Variants in HERC1 observed in about 807,000 individuals in gnomAD.
HERC1 encodes HECT and RLD domain containing E3 ubiquitin protein ligase family member 1.
HERC1 carries 160 observed loss-of-function variants against 554.3 expected under a neutral mutation model. That is an observed-to-expected ratio of 0.29 (90% CI 0.25 to 0.33). The LOEUF (loss-of-function observed/expected upper bound fraction) is 0.33, where lower values mean the gene tolerates loss of function less well. HERC1 is among the 10% of genes least tolerant of loss of function. The pLI is 1.00. For missense variants in HERC1, 4,919 were observed against 5,918.5 expected, an observed-to-expected ratio of 0.83 and a Z score of 5.54; for synonymous variants, 2,175 against 2,131.7, an observed-to-expected ratio of 1.02 and a Z score of -0.56.
At chr15:63,755,544 C>T (rs1482228506) in intron 5 of HERC1, among the ~76,000 whole-genome samples, 5 of 152,136 alleles carry the variant, frequency 3.3e-5, no homozygotes. Flanking sequence ...TTTGGCAGGC[C>T]AAGGCAGGCA....
At chr15:63,655,663 T>C in intron 50 of HERC1, 79 bp downstream of exon 50, 5 of 1,000,002 alleles carry the variant, frequency 5.0e-6, no homozygotes, top group Non-Finnish European at 7.3e-6. Context: ...TAATTTATCA[T>C]ATACTAACAA....
chr15:63,638,523 C>T lies in HERC1; in HGVS notation c.11981G>A (p.Gly3994Glu). Residue 3994 changes from glycine (G) to glutamate (E), a missense_variant, in exon 63 of 78, where the codon GGA becomes GAA. Physicochemically the swap from Gly to Glu is moderately conservative, Grantham distance 98 (BLOSUM62 -2). This residue lies in a region of HERC1 where 122 missense variants were observed against 195.2 expected (regional missense o/e 0.63). Transcript: ENST00000443617. ...CCATAAGTAGACATCACATTTACCT[C>T]CCAGGTGCCAGTCCTAGAAAACCAC... ...ATSRPEDWHL[G>E]GKCDVYLWGA... 6 of 1,613,848 alleles carry T rather than the reference C, an allele frequency of 3.7e-6. No homozygotes were observed. In the South Asian group the frequency reaches 6.6e-5, roughly 18 times the overall value.
chr15:63,718,124 A>ACACACAT lies in HERC1; in HGVS notation c.3978+449_3978+450insATGTGTG, dbSNP rs61154847. ...CACACACACACACACACACACACAC[A>ACACACAT]ACCCCCTCCTTGGTTTTCACTTCTC... is the stretch of plus-strand genomic sequence containing the variant. On this transcript the variant is annotated intron_variant, in intron 21 of 77. Transcript: ENST00000443617. The surrounding 1 kb of genome is among the most constrained non-coding windows in gnomAD (Gnocchi z 4.2). Among the ~76,000 whole-genome samples, 1 of 148,180 alleles carries ACACACAT rather than the reference A, an allele frequency of 6.7e-6. No homozygotes were observed. The highest frequency in any genetic ancestry group is 2.2e-4 in the South Asian group (1 of 4,648).
In HERC1 at chr15:63,686,342, T is replaced by A. The variant is rs1595973151; in HGVS notation, c.6225+17A>T. On this transcript the variant is annotated intron_variant, in intron 34 of 77. Coordinates refer to ENST00000443617, the MANE Select transcript of HERC1 (RefSeq NM_003922.4). ...CTAAAAGACAAAATGCTAAAAACTATTAGATTTTCTACGTACCTTCCACTG... is the reference window on the plus strand; with the variant it reads ...CTAAAAGACAAAATGCTAAAAACTAATAGATTTTCTACGTACCTTCCACTG... 6.4e-7 allele frequency: 1 copy of A among 1,559,854 alleles called. No individual in the cohort carries two copies. Among genetic ancestry groups the A allele is most frequent in the Non-Finnish European group, 8.7e-7 (1 of 1,155,610 alleles).
At chr15:63,739,476 C>T (rs971489698) in intron 12 of HERC1, among the ~76,000 whole-genome samples, 6 of 151,106 alleles carry the variant, frequency 4.0e-5, no homozygotes, top group African/African-American at 7.3e-5. Context: ...GGATTATAGG[C>T]GTGAGCCACT....
intron 1 of HERC1, among the ~76,000 whole-genome samples, chr15:63,817,677 T>C (rs2077539026): frequency 6.6e-6 from 1 of 152,122 alleles, no homozygotes; most frequent in Non-Finnish European, 1.5e-5. Flanking sequence ...TTCGCGCCAC[T>C]ACACTCCAGT....
chr15:63,712,650 T>TA, intron 24 of HERC1, 125 bp downstream of exon 24: 1 of 710,678 alleles, frequency 1.4e-6, no homozygotes, highest in East Asian at 2.8e-5. Flanking sequence ...TTATTTCTCT[T>TA]AAAGTTATTT....
At chr15:63,647,800 G>C (rs2069435864) in intron 55 of HERC1, among the ~76,000 whole-genome samples, 1 of 151,984 alleles carries the variant, frequency 6.6e-6, no homozygotes, top group Non-Finnish European at 1.5e-5. Flanking sequence ...TTATTAAAAA[G>C]ACAAAAAACA....
chr15:63,797,233 T>C (rs2076839501), intron 1 of HERC1, among the ~76,000 whole-genome samples: 1 of 152,312 alleles, frequency 6.6e-6, no homozygotes, highest in African/African-American at 2.4e-5. Context: ...TGCTAAGGTG[T>C]AGGCATAGTT....
intron 50 of HERC1, 25 bp downstream of exon 50, chr15:63,655,717 T>C: frequency 1.4e-6 from 2 of 1,432,014 alleles, no homozygotes; most frequent in Non-Finnish European, 1.9e-6. Flanking sequence ...TAGAAGACTG[T>C]ATGTTTCAGT....
chr15:63,682,462 G>C (rs1366455646), intron 34 of HERC1, among the ~76,000 whole-genome samples: 1 of 152,132 alleles, frequency 6.6e-6, no homozygotes, highest in Non-Finnish European at 1.5e-5. Flanking sequence ...GGAGGGGAAA[G>C]GGTTCAAAAA....
intron 21 of HERC1, among the ~76,000 whole-genome samples, chr15:63,717,273 T>G (rs2073598603): frequency 6.6e-6 from 1 of 152,184 alleles, no homozygotes; most frequent in African/African-American, 2.4e-5. Flanking sequence ...GGCAAATTAA[T>G]ACATTTCATG....
At chr15:63,640,525 C>G in intron 60 of HERC1, 80 bp from the exon 61 acceptor site, 1 of 1,165,436 alleles carries the variant, frequency 8.6e-7, no homozygotes, top group African/African-American at 1.5e-5. Context: ...GTCTGAAAGT[C>G]TGGAATCATA....
rs114037445 is a variant in HERC1 at position 63,782,290 on chromosome 15, C to T, written c.-26-6641G>A. Among the ~76,000 whole-genome samples, 314 of 152,290 alleles carry T rather than the reference C, an allele frequency of 2.1e-3. 3 individuals are homozygous for T. The highest frequency in any genetic ancestry group is 6.6e-3 in the African/African-American group (274 of 41,560). On this transcript the variant is annotated intron_variant, in intron 1 of 77. Coordinates refer to ENST00000443617, the MANE Select transcript of HERC1 (RefSeq NM_003922.4). The stretch of plus-strand genomic sequence containing the variant: ...GGTTGAGTCTCTTGCTAAGGGCTAA[C>T]GAAGCTGGTGGACTTAAAGTTGAAG...
At chr15:63,795,087 A>AAG (rs60841389) in intron 1 of HERC1, among the ~76,000 whole-genome samples, 34 of 150,546 alleles carry the variant, frequency 2.3e-4, no homozygotes, top group Non-Finnish European at 4.1e-4. Context: ...AAAAAAAAAA[A>AAG]GTAAAGGAAT....
At chr15:63,665,393 C>A (rs529789259) in intron 42 of HERC1, among the ~76,000 whole-genome samples, 4 of 152,094 alleles carry the variant, frequency 2.6e-5, no homozygotes, top group Non-Finnish European at 5.9e-5. Flanking sequence ...ATGAGCCGGG[C>A]ATGGTGGCAC....
At chr15:63,646,489 A>G (rs2069345314) in intron 55 of HERC1, among the ~76,000 whole-genome samples, 1 of 151,412 alleles carries the variant, frequency 6.6e-6, no homozygotes, top group Non-Finnish European at 1.5e-5. Context: ...ATCAAGCAAT[A>G]GTAGAGGCTA....
At chr15:63,646,865 T>A (rs994991707) in intron 55 of HERC1, among the ~76,000 whole-genome samples, 4 of 151,682 alleles carry the variant, frequency 2.6e-5, no homozygotes, top group Non-Finnish European at 5.9e-5. Context: ...AAAAAGCAAC[T>A]ATCTGGTAAA....
intron 75 of HERC1, among the ~76,000 whole-genome samples, chr15:63,616,206 A>G (rs933444272): frequency 1.3e-5 from 2 of 149,938 alleles, no homozygotes; most frequent in Non-Finnish European, 3.0e-5. Flanking sequence ...TCTAACAGGC[A>G]GAAAAAAATT....
Sources: allele counts gnomAD v4.1 joint callset (sites outside exome capture counted in the v4.1 genomes callset), GRCh38; gene constraint gnomAD v4.1.1; regional missense constraint gnomAD v4.1.1; non-coding constraint Gnocchi (gnomAD v3.1); transcripts MANE v1.5; gene names NCBI Gene and HGNC (gene_info 2026-07-23, HGNC 2026-07-21).